Variants in KDM4C observed in about 807,000 individuals in gnomAD.
The protein encoded by KDM4C is lysine-specific demethylase 4C.
In KDM4C, 81 loss-of-function variants were observed where a neutral mutation model predicts 129.3. That is an observed-to-expected ratio of 0.63 (90% confidence interval 0.52 to 0.75). The LOEUF (loss-of-function observed/expected upper bound fraction) is 0.75. KDM4C is among the 30% of genes least tolerant of loss of function. The pLI, the probability that KDM4C is intolerant of heterozygous loss-of-function variation, is 0.00. For synonymous variants in KDM4C, 573 were observed against 456.1 expected (o/e 1.26, Z -3.26); for missense variants, 1,457 against 1,304.0 (o/e 1.12, Z -1.81).
intron 13 of KDM4C, among the ~76,000 whole-genome samples, chr9:7,012,922 C>T (rs774912236): frequency 2.0e-4 from 31 of 152,084 alleles, no homozygotes; most frequent in Non-Finnish European, 3.5e-4. Context: ...CATTTCAGAG[C>T]AAGAAAATGT....
intron 8 of KDM4C, among the ~76,000 whole-genome samples, chr9:6,977,184 GC>G (rs1833061745): frequency 6.6e-6 from 1 of 152,070 alleles, no homozygotes; most frequent in Non-Finnish European, 1.5e-5. Context: ...ATAAGAGTTT[GC>G]CATCGGCTCC....
rs775599199 is a variant in KDM4C, at chr9:6,849,538, A to G, written c.467A>G (p.Asn156Ser). 16 of 1,609,190 alleles carry G rather than the reference A, an allele frequency of 9.9e-6. No individual in the cohort carries two copies. The South Asian group carries it at 1.1e-4, about 11-fold the overall frequency. Residue 156 changes from asparagine (N) to serine (S), a missense_variant, in exon 5 of 22, where the codon AAT becomes AGT. Coordinates refer to ENST00000381309, the MANE Select transcript of KDM4C (RefSeq NM_015061.6). ...GVDEWNIARL[N>S]TVLDVVEEEC... ...GATGAATGGAACATAGCTCGCCTCA[A>G]TACAGTCTTGGATGTGGTTGAAGAA...
At chr9:6,838,128 C>G (rs1410310869) in intron 4 of KDM4C, among the ~76,000 whole-genome samples, 1 of 152,208 alleles carries the variant, frequency 6.6e-6, no homozygotes, top group East Asian at 1.9e-4. Context: ...GAGTTCACCT[C>G]TCCTTCAGGT....
chr9:7,028,051 G>A (rs947436810), intron 15 of KDM4C, among the ~76,000 whole-genome samples: 1 of 152,142 alleles, frequency 6.6e-6, no homozygotes, highest in South Asian at 2.1e-4. Context: ...TGGAATTGAG[G>A]ACCCCAAGAT....
At chr9:6,834,885 T>A (rs1835585352) in intron 4 of KDM4C, 8 of 1,291,362 alleles carry the variant, frequency 6.2e-6, no homozygotes, top group South Asian at 4.7e-5. Flanking sequence ...TCCCTGTACT[T>A]CTTTGGCTGT....
chr9:6,987,189 C>G (rs1452118185), intron 11 of KDM4C, among the ~76,000 whole-genome samples: 2 of 152,154 alleles, frequency 1.3e-5, no homozygotes, highest in Non-Finnish European at 2.9e-5. Flanking sequence ...ATTTCAGTGT[C>G]AGGACTCACG....
intron 5 of KDM4C, among the ~76,000 whole-genome samples, chr9:6,873,151 C>A (rs1383805889): frequency 6.6e-6 from 1 of 152,168 alleles, no homozygotes; most frequent in African/African-American, 2.4e-5. Flanking sequence ...CATGCACCAC[C>A]ATGCCTGGCT....
chr9:7,003,204 A>G (rs1459865888), intron 12 of KDM4C, among the ~76,000 whole-genome samples: 1 of 152,208 alleles, frequency 6.6e-6, no homozygotes, highest in Non-Finnish European at 1.5e-5. Flanking sequence ...AATAGCTAGA[A>G]TACTGGTAAA....
At chr9:6,949,688 G>A (rs965362581) in intron 8 of KDM4C, among the ~76,000 whole-genome samples, 13 of 152,190 alleles carry the variant, frequency 8.5e-5, no homozygotes, top group Non-Finnish European at 1.6e-4. Context: ...AAAAAAATAC[G>A]AAAACCAGTC....
chr9:6,868,555 A>G (rs1563729185), intron 5 of KDM4C, among the ~76,000 whole-genome samples: 1 of 152,146 alleles, frequency 6.6e-6, no homozygotes, highest in African/African-American at 2.4e-5. Flanking sequence ...ATCCTCCCCT[A>G]TACTTTACAT....
intron 2 of KDM4C, among the ~76,000 whole-genome samples, chr9:6,796,150 A>C (rs1002878586): frequency 1.3e-5 from 2 of 152,180 alleles, no homozygotes; most frequent in Admixed American, 1.3e-4. Context: ...CTCATCAAAA[A>C]AAAATCTCAT....
At chr9:6,763,392 A>T (rs765021282) in intron 1 of KDM4C, among the ~76,000 whole-genome samples, 1 of 152,118 alleles carries the variant, frequency 6.6e-6, no homozygotes, top group Non-Finnish European at 1.5e-5. Context: ...CAACTTCTTC[A>T]AGTTAGTGTT....
chr9:7,001,898 T>A (rs1327263822), intron 12 of KDM4C, among the ~76,000 whole-genome samples: 1 of 152,160 alleles, frequency 6.6e-6, no homozygotes, highest in Admixed American at 6.5e-5. Context: ...GAGTGGTTTT[T>A]GTTTGTTTGT....
chr9:6,998,351 A>G (rs1820143922), intron 12 of KDM4C, among the ~76,000 whole-genome samples: 1 of 152,212 alleles, frequency 6.6e-6, no homozygotes, highest in Non-Finnish European at 1.5e-5. Context: ...CCATCATTTA[A>G]CCCATCTAAC....
chr9:7,013,717 G>C (rs1230541898), intron 13 of KDM4C, 71 bp from the exon 14 acceptor site: 4 of 1,423,562 alleles, frequency 2.8e-6, no homozygotes, highest in Non-Finnish European at 3.9e-6. Flanking sequence ...AGGAGTTAGT[G>C]GATTTGAGTG....
chr9:6,965,543 A>G (rs942470265), intron 8 of KDM4C, among the ~76,000 whole-genome samples: 21 of 152,168 alleles, frequency 1.4e-4, no homozygotes, highest in African/African-American at 4.8e-4. Context: ...AAGCTGAGAA[A>G]CCTCAAGACT....
chr9:7,082,238 C>T (rs1834607322), intron 17 of KDM4C, among the ~76,000 whole-genome samples: 1 of 152,154 alleles, frequency 6.6e-6, no homozygotes, highest in African/African-American at 2.4e-5. Context: ...AGGTTTCTTT[C>T]CACCTTAGCC....
At chr9:6,935,162 G>GT (rs1481200388) in intron 8 of KDM4C, among the ~76,000 whole-genome samples, 1 of 151,874 alleles carries the variant, frequency 6.6e-6, no homozygotes, top group Admixed American at 6.6e-5. Context: ...TCTTCCTACT[G>GT]TTTTTTAGAA....
intron 1 of KDM4C, among the ~76,000 whole-genome samples, chr9:6,776,051 G>A (rs753539684): frequency 3.0e-4 from 46 of 152,102 alleles, no homozygotes; most frequent in Admixed American, 2.2e-3. Context: ...ATTTTTGTGC[G>A]TTCCGTATAT....
Sources: allele counts gnomAD v4.1 joint callset (sites outside exome capture counted in the v4.1 genomes callset), GRCh38; gene constraint gnomAD v4.1.1; transcripts MANE v1.5; gene names NCBI Gene and HGNC (gene_info 2026-07-23, HGNC 2026-07-21).